PEX26: variants seen among roughly 807,000 people sequenced by gnomAD.
PEX26 encodes the protein peroxisome assembly protein 26.
In PEX26, 18 loss-of-function variants were observed where a neutral mutation model predicts 31.4. That is an observed-to-expected ratio of 0.57 (90% confidence interval 0.40 to 0.85). PEX26 has a LOEUF of 0.85. PEX26 is among the 40% of genes least tolerant of loss of function. PEX26 has a pLI of 0.00. For synonymous variants in PEX26, 176 were observed against 166.9 expected (o/e 1.05, Z -0.42); for missense variants, 377 against 383.9 (o/e 0.98, Z 0.15).
At chr22:18,085,378 C>T in intron 4 of PEX26, 120 bp downstream of exon 4, 1 of 1,033,092 alleles carries the variant, frequency 9.7e-7, no homozygotes, top group South Asian at 1.3e-5. Context: ...TATGACATTT[C>T]CCCTGAGTCT....
At chr22:18,083,415 T>G in intron 2 of PEX26, 22 bp from the exon 3 acceptor site, 1 of 1,612,584 alleles carries the variant, frequency 6.2e-7, no homozygotes, top group South Asian at 1.1e-5. Flanking sequence ...TTTGTTGGGA[T>G]TGGGTTTTTT....
chr22:18,080,067 ATCTCC>A, intron 2 of PEX26, 53 bp downstream of exon 2: 1 of 1,581,202 alleles, frequency 6.3e-7, no homozygotes, highest in Non-Finnish European at 8.7e-7. Context: ...GAGGATTTTC[ATCTCC>A]TCTCCTAAAT....
rs1927209484 is a variant in PEX26 at position 18,093,879 on chromosome 22, G to A, written c.*5804G>A. The A allele has an allele frequency of 2.0e-5, 3 of 152,344 alleles. No individual in the cohort carries two copies. The highest frequency in any genetic ancestry group is 2.0e-4 in the Admixed American group (3 of 15,288). The allele number at this position is 152,344 out of a possible 1,614,324, so 9.4% of individuals were successfully genotyped here. A position where few individuals can be genotyped will look rare whatever the true frequency, so the allele number is the denominator to read the frequency against. On this transcript the variant is annotated 3_prime_UTR_variant, in exon 5 of 5. Transcript: ENST00000399744. ...CGTCTTCACTAGAGAGAGTGGAGGT[G>A]GTTAGGAAAGGGCAGGCGGGAAGGG...
At chr22:18,081,333 TG>T in intron 2 of PEX26, 1 of 161,342 alleles carries the variant, frequency 6.2e-6, no homozygotes, top group Non-Finnish European at 1.3e-5. Flanking sequence ...TCTTGGCTGT[TG>T]TGAATAGTGC....
chr22:18,091,334 GA>G lies in PEX26; in HGVS notation c.*3267del, dbSNP rs547406212. On this transcript the variant is annotated 3_prime_UTR_variant, in exon 5 of 5. Coordinates refer to ENST00000399744, the MANE Select transcript of PEX26 (RefSeq NM_001127649.3). ...ACACACACTGTGCCACGTTTAAAAA[GA>G]AAAAAAACAATTCTCGGCTGGGCGC... is the stretch of plus-strand genomic sequence containing the variant. The G allele has an allele frequency of 1.3e-5, 2 of 151,868 alleles. No individual in the cohort carries two copies. Among genetic ancestry groups the G allele is most frequent in the Non-Finnish European group, 2.9e-5 (2 of 67,936 alleles). 9.4% of individuals were successfully genotyped at this position (151,868 alleles called of 1,614,324 possible).
intron 1 of PEX26, chr22:18,079,286 C>T (rs362187): frequency 1.0e-5 from 10 of 980,120 alleles, no homozygotes; most frequent in East Asian, 1.1e-4. Context: ...GCATTGTAAA[C>T]TTGGGTTAGG....
chr22:18,080,770 T>C (rs1276927575), intron 2 of PEX26, among the ~76,000 whole-genome samples: 1 of 152,236 alleles, frequency 6.6e-6, no homozygotes, highest in African/African-American at 2.4e-5. Context: ...ATTTATCATT[T>C]GTTTGTGACA....
At chr22:18,083,840 G>A in intron 3 of PEX26, 108 bp downstream of exon 3, 1 of 1,006,228 alleles carries the variant, frequency 9.9e-7, no homozygotes, top group Non-Finnish European at 1.5e-6. Context: ...TTCTTTGTAT[G>A]AATAACTCTT....
rs146874415 is a variant in PEX26, at chr22:18,101,800, C to T, written c.*13725C>T. On this transcript the variant is annotated 3_prime_UTR_variant, in exon 5 of 5. Transcript: ENST00000399744. ...ATGGTGCAATTTCCTTGGTCATTAA[C>T]CTGAGGTCTGGGGCCTTTAAAGCTA... is the stretch of plus-strand genomic sequence containing the variant. 3.2e-5 allele frequency: 6 copies of T among 188,872 alleles called. No individual in the cohort carries two copies. The East Asian group carries it at 8.8e-4, about 28-fold the overall frequency. The allele number at this position is 188,872 out of a possible 1,614,324, so 11.7% of individuals were successfully genotyped here.
intron 4 of PEX26, among the ~76,000 whole-genome samples, chr22:18,087,243 T>C (rs1352255628): frequency 5.9e-5 from 9 of 152,032 alleles, no homozygotes; most frequent in Non-Finnish European, 1.3e-4. Context: ...CCAGGCTACA[T>C]TTTGTATTTT....
At chr22:18,087,578 C>T (rs966524913) in intron 4 of PEX26, among the ~76,000 whole-genome samples, 17 of 152,364 alleles carry the variant, frequency 1.1e-4, no homozygotes, top group African/African-American at 3.4e-4. Context: ...TTTATGGTTC[C>T]CGTAAGCCCT....
In PEX26 at chr22:18,083,608, G is replaced by C; in HGVS notation, c.543G>C (p.Val181=). 2 of 1,614,102 alleles carry C rather than the reference G, an allele frequency of 1.2e-6. No individual in the cohort carries two copies. The highest frequency in any genetic ancestry group is 1.7e-6 in the Non-Finnish European group (2 of 1,179,996). The change falls in exon 3 of 5, where the codon GTG becomes GTC. Residue 181 remains valine (V), a synonymous_variant. Transcript: ENST00000399744. ...LGCLSEAEEL[V]VGSAAFGEER... is the part of the protein sequence containing the mutation. ...GCTTATCGGAGGCTGAGGAGCTAGT[G>C]GTGGGCTCTGCAGCCTTTGGTGAGG...
chr22:18,090,109 A>G lies in PEX26; in HGVS notation c.*2034A>G, dbSNP rs1927028527. The stretch of plus-strand genomic sequence containing the variant: ...GTAGGAAGCAAATCTATACTTTTTT[A>G]TATGGGCTTTTAAGTAAAGCTTAGA... On this transcript the variant is annotated 3_prime_UTR_variant, in exon 5 of 5. Coordinates refer to ENST00000399744, the MANE Select transcript of PEX26 (RefSeq NM_001127649.3). 1 of 152,174 alleles carries G rather than the reference A, an allele frequency of 6.6e-6. No individual in the cohort carries two copies. The highest frequency in any genetic ancestry group is 2.1e-4 in the South Asian group (1 of 4,832). 9.4% of individuals were successfully genotyped at this position (152,174 alleles called of 1,614,324 possible).
At chr22:18,083,789 C>T (rs1236149104) in intron 3 of PEX26, 57 bp downstream of exon 3, 4 of 1,535,838 alleles carry the variant, frequency 2.6e-6, no homozygotes, top group Non-Finnish European at 3.6e-6. Flanking sequence ...TTGCACTGTA[C>T]CTCGGGGTCT....
Position 18,079,979 on chromosome 22 carries a change from C to T in PEX26, c.336C>T (p.Val112=), listed in dbSNP as rs753324008. The stretch of plus-strand genomic sequence containing the variant: ...CCTGGGTCCTTCAGTATTACCAGGT[C>T]CCTGAAAAGCTACCCCCCAAAGTCC... ...VLSWVLQYYQ[V]PEKLPPKVLE... Residue 112 remains valine, a synonymous_variant, in exon 2 of 5, where the codon GTC becomes GTT. Coordinates refer to ENST00000399744, the MANE Select transcript of PEX26 (RefSeq NM_001127649.3). The T allele has an allele frequency of 8.7e-6, 14 of 1,614,114 alleles. No individual in the cohort carries two copies. The South Asian group carries it at 1.4e-4, about 16-fold the overall frequency.
At position 18,097,163 on chromosome 22, in the gene PEX26, G is replaced by A. The variant is rs560865761; in HGVS notation, c.*9088G>A. The stretch of plus-strand genomic sequence containing the variant: ...CTCCGACGTGGGGATTACAGTTTGA[G>A]ATGAGATTTGAGTGGGGACACAGAG... On this transcript the variant is annotated 3_prime_UTR_variant, in exon 5 of 5. Transcript: ENST00000399744. The A allele has an allele frequency of 6.6e-6, 1 of 152,252 alleles. No homozygotes were observed. The highest frequency in any genetic ancestry group is 2.1e-4 in the South Asian group (1 of 4,816). The allele number at this position is 152,252 out of a possible 1,614,324, so 9.4% of individuals were successfully genotyped here. A position where few individuals can be genotyped will look rare whatever the true frequency, so the allele number is the denominator to read the frequency against.
At position 18,078,193 on chromosome 22, in the gene PEX26, G is replaced by C; in HGVS notation, c.-184G>C. ...AACTGCTTCCCCAGCCTCCAGGCGA[G>C]CCCAGCTTTTGCCTCAGATAGGCCC... On this transcript the variant is annotated 5_prime_UTR_variant, in exon 1 of 5. Transcript: ENST00000399744. 1 of 702,070 alleles carries C rather than the reference G, an allele frequency of 1.4e-6. No homozygotes were observed. Among genetic ancestry groups the C allele is most frequent in the Non-Finnish European group, 2.6e-6 (1 of 385,418 alleles). The allele number at this position is 702,070 out of a possible 1,614,324, so 43.5% of individuals were successfully genotyped here. A position where few individuals can be genotyped will look rare whatever the true frequency, so the allele number is the denominator to read the frequency against.
At chr22:18,087,177 C>T (rs371488560) in intron 4 of PEX26, among the ~76,000 whole-genome samples, 9 of 152,292 alleles carry the variant, frequency 5.9e-5, no homozygotes, top group East Asian at 5.8e-4. Context: ...TGGGTTCAAG[C>T]GATTCTCCTG....
rs764188803 is a variant in PEX26 at position 18,088,029 on chromosome 22, G to A, written c.872G>A (p.Arg291Gln). ...CTGGCCCAGCTCTTCCGCTGGATCC[G>A]GAAGGCTGCATTTTCTCGCCTCTAC... ...YKLAQLFRWIRKAAFSRLYQL... is the reference protein window; with the variant it reads ...YKLAQLFRWIQKAAFSRLYQL... Residue 291 changes from arginine (R) to glutamine (Q), a missense_variant, in exon 5 of 5, where the codon CGG becomes CAG. By Grantham distance (43) the Arg-to-Gln change is conservative. Coordinates refer to ENST00000399744, the MANE Select transcript of PEX26 (RefSeq NM_001127649.3). This position sits in a 1 kb window ranked among gnomAD's most constrained non-coding sequence, Gnocchi z 4.1. The A allele has an allele frequency of 1.1e-5, 17 of 1,613,504 alleles. No individual in the cohort carries two copies. The highest frequency in any genetic ancestry group is 2.2e-5 in the East Asian group (1 of 44,882).
Sources: gnomAD v4.1 joint callset for allele counts (sites outside exome capture counted in the v4.1 genomes callset) on GRCh38, gnomAD v4.1.1 for gene constraint, Gnocchi (gnomAD v3.1) non-coding constraint, MANE v1.5 for transcripts, NCBI Gene and HGNC (gene_info 2026-07-23, HGNC 2026-07-21) for gene names.